The following HLCS variants were observed in gnomAD, a reference collection of about 807,000 sequenced individuals.
HLCS encodes the protein holocarboxylase synthetase, also known as biotin--protein ligase.
In HLCS, 53 loss-of-function variants were observed where a neutral mutation model predicts 75.0. That is an observed-to-expected ratio of 0.71 (90% CI 0.57 to 0.89). HLCS has a LOEUF of 0.89. HLCS is among the 40% of genes least tolerant of loss of function. The pLI is 0.00. For synonymous variants in HLCS, 431 were observed against 428.6 expected (o/e 1.01, Z -0.07); for missense variants, 966 against 1,074.0 (o/e 0.90, Z 1.41).
At chr21:36,763,022 G>A (rs1038129716) in intron 8 of HLCS, among the ~76,000 whole-genome samples, 7 of 152,164 alleles carry the variant, frequency 4.6e-5, no homozygotes, top group African/African-American at 1.4e-4. Flanking sequence ...CCCATGACAG[G>A]ACTTTCTTTC....
At position 36,983,740 on chromosome 21, in the gene HLCS, G is replaced by A. The variant is rs530101259; in HGVS notation, c.-393+6418C>T. 2.6e-5 allele frequency among the ~76,000 whole-genome samples: 4 copies of A among 151,846 alleles called. No individual in the cohort carries two copies. The South Asian group carries it at 8.4e-4, about 32-fold the overall frequency. On this transcript the variant is annotated intron_variant, in intron 1 of 11. Coordinates refer to the HLCS transcript ENST00000336648. The stretch of plus-strand genomic sequence containing the variant: ...TAGTCCCAACTACTCAGGAGGCTGA[G>A]GCAGGAGAATGGCGTGAACCCGGGA...
chr21:36,769,055 T>C (rs140591668), intron 6 of HLCS, among the ~76,000 whole-genome samples: 53 of 152,246 alleles, frequency 3.5e-4, no homozygotes, highest in African/African-American at 1.2e-3. Context: ...TAGACAGTCA[T>C]GGGCTATAGC....
upstream of HLCS, among the ~76,000 whole-genome samples, chr21:36,967,092 TTCCTTGG>T (rs2068641024): frequency 6.6e-6 from 1 of 151,902 alleles, no homozygotes; most frequent in African/African-American, 2.4e-5. Context: ...CCGGCCTCCC[TTCCTTGG>T]AGGGGTGGGA....
chr21:36,827,916 C>T (rs1002646172), intron 6 of HLCS, among the ~76,000 whole-genome samples: 2 of 151,552 alleles, frequency 1.3e-5, no homozygotes, highest in African/African-American at 4.8e-5. Flanking sequence ...CGGGTTCACA[C>T]CATTCTCCTG....
chr21:36,900,615 A>G (rs142359989), intron 5 of HLCS, among the ~76,000 whole-genome samples: 1,751 of 152,142 alleles, frequency 0.012, 15 homozygotes, highest in Middle Eastern at 0.034. Context: ...GGATCACCCC[A>G]CTCTGACTCC....
intron 2 of HLCS, among the ~76,000 whole-genome samples, chr21:36,939,627 G>C (rs535705753): frequency 6.6e-6 from 1 of 152,152 alleles, no homozygotes; most frequent in Admixed American, 6.5e-5. Context: ...CTACCACAAG[G>C]GGGACAGGGA....
intron 6 of HLCS, among the ~76,000 whole-genome samples, chr21:36,852,317 T>A (rs961144812): frequency 6.6e-6 from 1 of 152,190 alleles, no homozygotes; most frequent in Non-Finnish European, 1.5e-5. Flanking sequence ...TCCTAACTGA[T>A]GAGATAAGCT....
At chr21:36,924,209 G>C (rs1240911587) in intron 5 of HLCS, among the ~76,000 whole-genome samples, 2 of 152,340 alleles carry the variant, frequency 1.3e-5, no homozygotes, top group South Asian at 4.1e-4. Flanking sequence ...CAAGTACTAT[G>C]TTAAAAAATG....
At chr21:36,830,157 A>G (rs2062151826) in intron 6 of HLCS, among the ~76,000 whole-genome samples, 2 of 152,196 alleles carry the variant, frequency 1.3e-5, no homozygotes, top group South Asian at 4.1e-4. Context: ...AGCCTCTACA[A>G]GCCAGAGAGA....
At chr21:36,866,723 A>T (rs887274997) in intron 6 of HLCS, among the ~76,000 whole-genome samples, 1 of 152,220 alleles carries the variant, frequency 6.6e-6, no homozygotes, top group Non-Finnish European at 1.5e-5. Context: ...ATTCAGTTTC[A>T]TCTCTAACTA....
At chr21:36,865,677 G>GT (rs2063531447) in intron 6 of HLCS, among the ~76,000 whole-genome samples, 1 of 152,186 alleles carries the variant, frequency 6.6e-6, no homozygotes, top group African/African-American at 2.4e-5. Flanking sequence ...ATAGTAAACT[G>GT]TGATAGAAAA....
chr21:36,797,989 A>T (rs1300826505), intron 6 of HLCS, among the ~76,000 whole-genome samples: 1 of 152,178 alleles, frequency 6.6e-6, no homozygotes. Context: ...GTTAGAGAAG[A>T]AGTAGTGAGA....
chr21:36,791,250 C>G (rs2060854191), intron 6 of HLCS, among the ~76,000 whole-genome samples: 1 of 152,130 alleles, frequency 6.6e-6, no homozygotes, highest in Non-Finnish European at 1.5e-5. Context: ...TCCGGGGCAA[C>G]AACATGCAGA....
intron 6 of HLCS, among the ~76,000 whole-genome samples, chr21:36,783,776 CGCACACACACAAGCATGTGT>C (rs2060603065): frequency 6.6e-6 from 1 of 151,688 alleles, no homozygotes; most frequent in African/African-American, 2.4e-5. Flanking sequence ...GCTGGTGTCT[CGCACACACACAAGCATGTGT>C]GCACATGCAC....
At chr21:36,988,156 TC>T (rs1183248202) in intron 1 of HLCS, among the ~76,000 whole-genome samples, 1 of 152,216 alleles carries the variant, frequency 6.6e-6, no homozygotes, top group Non-Finnish European at 1.5e-5. Context: ...ATGTGTCATT[TC>T]CTCTTAGACT....
Position 36,842,728 on chromosome 21 carries a change from G to A in HLCS, c.1892+54132C>T, listed in dbSNP as rs1222816832. On this transcript the variant is annotated intron_variant, in intron 6 of 10. Coordinates refer to ENST00000674895, the MANE Select transcript of HLCS (RefSeq NM_001352514.2). The surrounding 1 kb of genome is among the most constrained non-coding windows in gnomAD (Gnocchi z 4.2). ...ACTGCACTCCACCCTGGGCAACAGA[G>A]CAAGACTCAGTCTCAAAAAAACAAA... 1.3e-5 allele frequency among the ~76,000 whole-genome samples: 2 copies of A among 152,086 alleles called. No individual in the cohort carries two copies. The highest frequency in any genetic ancestry group is 2.9e-5 in the Non-Finnish European group (2 of 68,030).
At chr21:36,926,129 C>T (rs904520163) in intron 5 of HLCS, among the ~76,000 whole-genome samples, 35 of 152,324 alleles carry the variant, frequency 2.3e-4, no homozygotes, top group Admixed American at 1.5e-3. Context: ...CACCCACCAA[C>T]ATCTGCAGAG....
intron 6 of HLCS, among the ~76,000 whole-genome samples, chr21:36,795,762 G>A (rs2061008396): frequency 6.6e-6 from 1 of 152,236 alleles, no homozygotes. Flanking sequence ...TGAGGGCAGA[G>A]ATCCTGCCAT....
intron 6 of HLCS, among the ~76,000 whole-genome samples, chr21:36,881,493 T>A (rs1350470420): frequency 1.3e-5 from 2 of 152,172 alleles, no homozygotes; most frequent in Admixed American, 1.3e-4. Flanking sequence ...GAGTTATGAA[T>A]CATGCACACA....
Sources: gnomAD v4.1 joint callset for allele counts (sites outside exome capture counted in the v4.1 genomes callset) on GRCh38, gnomAD v4.1.1 for gene constraint, Gnocchi (gnomAD v3.1) non-coding constraint, MANE v1.5 for transcripts, NCBI Gene and HGNC (gene_info 2026-07-23, HGNC 2026-07-21) for gene names.